Variants in CDH8 observed in about 807,000 individuals in gnomAD.
CDH8 encodes the protein cadherin 8.
CDH8 carries 17 observed loss-of-function variants against 68.1 expected under a neutral mutation model. The observed-to-expected ratio is 0.25, with a 90% CI of 0.17 to 0.37. The LOEUF is 0.37. CDH8 is among the 10% of genes least tolerant of loss of function. CDH8 has a pLI of 1.00. For missense variants in CDH8, 763 were observed against 999.3 expected, an observed-to-expected ratio of 0.76 and a Z score of 3.19; for synonymous variants, 372 against 365.1, an observed-to-expected ratio of 1.02 and a Z score of -0.21.
intron 3 of CDH8, among the ~76,000 whole-genome samples, chr16:61,868,687 T>C (rs1963301341): frequency 6.6e-6 from 1 of 152,158 alleles, no homozygotes; most frequent in Non-Finnish European, 1.5e-5. Context: ...TTTGGGGTCA[T>C]GTCAGCACTC....
At chr16:61,861,923 T>C (rs1183594035) in intron 3 of CDH8, among the ~76,000 whole-genome samples, 1 of 152,166 alleles carries the variant, frequency 6.6e-6, no homozygotes, top group Non-Finnish European at 1.5e-5. Context: ...CAGGTAAAAC[T>C]AACAAACTAA....
At chr16:61,972,571 G>GGGGGTGTGTGTGTGT (rs369833002) in intron 2 of CDH8, among the ~76,000 whole-genome samples, 12 of 131,470 alleles carry the variant, frequency 9.1e-5, no homozygotes, top group African/African-American at 1.7e-4. Context: ...ACACATTGTG[G>GGGGGTGTGTGTGTGT]GTGTGTGTGT....
intron 4 of CDH8, among the ~76,000 whole-genome samples, chr16:61,834,312 G>A (rs1406519805): frequency 2.0e-5 from 3 of 151,714 alleles, no homozygotes; most frequent in African/African-American, 7.3e-5. Flanking sequence ...TTGACTTCAA[G>A]TCTTACTGCT....
At chr16:61,889,467 C>T (rs1963736050) in intron 3 of CDH8, among the ~76,000 whole-genome samples, 1 of 152,110 alleles carries the variant, frequency 6.6e-6, no homozygotes, top group Non-Finnish European at 1.5e-5. Context: ...CCATGAGAGG[C>T]AAAGTTCTGA....
intron 9 of CDH8, among the ~76,000 whole-genome samples, chr16:61,720,657 A>T (rs2142880738): frequency 6.6e-6 from 1 of 150,940 alleles, no homozygotes; most frequent in East Asian, 2.0e-4. Flanking sequence ...TTTTTTTAAA[A>T]AAATTTAACC....
chr16:61,862,217 A>T (rs930346941), intron 3 of CDH8, among the ~76,000 whole-genome samples: 3 of 151,932 alleles, frequency 2.0e-5, no homozygotes, highest in Non-Finnish European at 4.4e-5. Flanking sequence ...TCTATCTCAC[A>T]TCACCTTTCT....
rs1454684350 is a variant in CDH8, at chr16:61,741,888, T to C, written c.1415-14673A>G. 2.6e-5 allele frequency among the ~76,000 whole-genome samples: 4 copies of C among 152,132 alleles called. No individual in the cohort carries two copies. The South Asian group carries it at 8.3e-4, about 31-fold the overall frequency. On this transcript the variant is annotated intron_variant, in intron 8 of 11. Coordinates refer to ENST00000577390, the MANE Select transcript of CDH8 (RefSeq NM_001796.5). The stretch of plus-strand genomic sequence containing the variant: ...GCCAAATTATACACACACGTGCACA[T>C]GCACACTCACACACACACAGAAATT...
intron 3 of CDH8, among the ~76,000 whole-genome samples, chr16:61,884,637 G>A (rs1372942098): frequency 2.0e-5 from 3 of 152,168 alleles, no homozygotes; most frequent in African/African-American, 7.2e-5. Flanking sequence ...GCATCCCAAA[G>A]TGCTGGGATT....
At chr16:61,765,898 C>G (rs1480615352) in intron 8 of CDH8, among the ~76,000 whole-genome samples, 1 of 152,016 alleles carries the variant, frequency 6.6e-6, no homozygotes, top group Non-Finnish European at 1.5e-5. Flanking sequence ...AAAGAAAGAT[C>G]TGTGAACACT....
intron 8 of CDH8, chr16:61,743,379 G>A: frequency 6.4e-6 from 1 of 156,590 alleles, no homozygotes. Flanking sequence ...GGAGTGGTGA[G>A]GGAGGAAGGG....
At position 61,866,956 on chromosome 16, in the gene CDH8, A is replaced by G. The variant is rs996276124; in HGVS notation, c.548-9718T>C. On this transcript the variant is annotated intron_variant, in intron 3 of 11. Transcript: ENST00000577390. Reference sequence around the variant, plus strand: ...CTGTTCGTTTTTTTTGTCCCTCTAGAATGAGCTTACTTTTCTAGTTAAAAG... The same window carrying G: ...CTGTTCGTTTTTTTTGTCCCTCTAGGATGAGCTTACTTTTCTAGTTAAAAG... 2.0e-5 allele frequency among the ~76,000 whole-genome samples: 3 copies of G among 152,252 alleles called. No individual in the cohort carries two copies. In the East Asian group the frequency reaches 5.8e-4, roughly 29 times the overall value.
At chr16:61,741,857 T>C (rs1227139925) in intron 8 of CDH8, among the ~76,000 whole-genome samples, 1 of 152,154 alleles carries the variant, frequency 6.6e-6, no homozygotes, top group Non-Finnish European at 1.5e-5. Flanking sequence ...CATTATAGCA[T>C]CATTTGCCAA....
At position 62,034,192 on chromosome 16, in the gene CDH8, A is replaced by AACACAC. The variant is rs71134383; in HGVS notation, c.-200+1882_-200+1887dup. ...ACCTCATATATATATCTCTCTCTCAAACACACACACACACACACACACACA... is the reference window on the plus strand; with the variant it reads ...ACCTCATATATATATCTCTCTCTCAAACACACACACACACACACACACACACACACA... On this transcript the variant is annotated intron_variant, in intron 1 of 11. Transcript: ENST00000577390. Among the ~76,000 whole-genome samples, 193 of 147,306 alleles carry AACACAC rather than the reference A, an allele frequency of 1.3e-3. 1 individual carries two copies. Among genetic ancestry groups the AACACAC allele is most frequent in the East Asian group, 2.7e-3 (13 of 4,898 alleles).
At chr16:61,791,124 G>C (rs1961367714) in intron 7 of CDH8, among the ~76,000 whole-genome samples, 1 of 151,824 alleles carries the variant, frequency 6.6e-6, no homozygotes, top group African/African-American at 2.4e-5. Context: ...TGCCCATTTA[G>C]TAATGACTTC....
intron 3 of CDH8, among the ~76,000 whole-genome samples, chr16:61,896,197 C>T (rs974906): frequency 1.3e-5 from 2 of 152,172 alleles, no homozygotes; most frequent in Non-Finnish European, 2.9e-5. Flanking sequence ...GACAAGCTCA[C>T]AAGCTCATCA....
At position 62,028,877 on chromosome 16, in the gene CDH8, T is replaced by C. The variant is rs148973714; in HGVS notation, c.-200+7203A>G. 1.8e-4 allele frequency among the ~76,000 whole-genome samples: 27 copies of C among 152,300 alleles called. No homozygotes were observed. The East Asian group carries it at 5.2e-3, about 29-fold the overall frequency. On this transcript the variant is annotated intron_variant, in intron 1 of 11. Coordinates refer to ENST00000577390, the MANE Select transcript of CDH8 (RefSeq NM_001796.5). Reference sequence around the variant, plus strand: ...CGCCCTTTGCAGTCTTTAGATCACATGTTCAGAATTTAACAGCCAGAGACC... The same window carrying C: ...CGCCCTTTGCAGTCTTTAGATCACACGTTCAGAATTTAACAGCCAGAGACC...
intron 2 of CDH8, among the ~76,000 whole-genome samples, chr16:62,010,931 G>A (rs1216420871): frequency 2.0e-4 from 27 of 133,500 alleles, no homozygotes; most frequent in African/African-American, 6.7e-4. Context: ...CAACAAGAGC[G>A]AAACTCCATT....
At chr16:61,896,802 T>C (rs1433804647) in intron 3 of CDH8, among the ~76,000 whole-genome samples, 1 of 152,142 alleles carries the variant, frequency 6.6e-6, no homozygotes, top group Non-Finnish European at 1.5e-5. Context: ...CAACAACCAA[T>C]TGTGGAACAC....
chr16:61,944,763 T>G (rs1469914265), intron 2 of CDH8, among the ~76,000 whole-genome samples: 1 of 152,132 alleles, frequency 6.6e-6, no homozygotes, highest in African/African-American at 2.4e-5. Flanking sequence ...GCTGCATAGT[T>G]AGACCCTATC....
Sources: gnomAD v4.1 joint callset for allele counts (sites outside exome capture counted in the v4.1 genomes callset) on GRCh38, gnomAD v4.1.1 for gene constraint, MANE v1.5 for transcripts, NCBI Gene and HGNC (gene_info 2026-07-23, HGNC 2026-07-21) for gene names.